FOXJ3: variants seen among roughly 807,000 people sequenced by gnomAD.
The protein encoded by FOXJ3 is forkhead box J3, also known as forkhead box protein J3.
A neutral mutation model predicts 76.1 loss-of-function variants in FOXJ3; 22 were observed. The ratio of observed to expected loss-of-function variants is 0.29; its 90% CI spans 0.21 to 0.41. The LOEUF (loss-of-function observed/expected upper bound fraction) is 0.41, where lower values mean the gene tolerates loss of function less well. FOXJ3 is among the 10% of genes least tolerant of loss of function. The pLI is 1.00. For synonymous variants in FOXJ3, 269 were observed against 261.2 expected, an observed-to-expected ratio of 1.03 and a Z score of -0.29; for missense variants, 613 against 762.1, an observed-to-expected ratio of 0.80 and a Z score of 2.30.
intron 4 of FOXJ3, among the ~76,000 whole-genome samples, chr1:42,255,654 C>A (rs1292640831): frequency 6.6e-6 from 1 of 152,132 alleles, no homozygotes; most frequent in Non-Finnish European, 1.5e-5. Flanking sequence ...AAAAGATACA[C>A]CATGATGTTG....
At chr1:42,291,991 G>C (rs1197151402) in intron 2 of FOXJ3, among the ~76,000 whole-genome samples, 2 of 152,178 alleles carry the variant, frequency 1.3e-5, no homozygotes, top group Admixed American at 1.3e-4. Context: ...TCCCGATGCC[G>C]GTGGGAGGAA....
At chr1:42,205,500 A>G (rs189436704) in intron 6 of FOXJ3, among the ~76,000 whole-genome samples, 5 of 152,262 alleles carry the variant, frequency 3.3e-5, no homozygotes, top group Admixed American at 6.5e-5. Context: ...AATTCTATCA[A>G]TGGGAACTGT....
intron 4 of FOXJ3, among the ~76,000 whole-genome samples, chr1:42,255,332 T>C (rs898615795): frequency 4.6e-5 from 7 of 152,192 alleles, no homozygotes; most frequent in Non-Finnish European, 1.0e-4. Flanking sequence ...TGGTGATACA[T>C]ATTGTTAAGC....
chr1:42,216,484 C>CCGCAG (rs1293077246), intron 5 of FOXJ3, among the ~76,000 whole-genome samples: 1 of 151,108 alleles, frequency 6.6e-6, no homozygotes, highest in African/African-American at 2.4e-5. Context: ...CGCCACTGCA[C>CCGCAG]TCCAGCCTGG....
At chr1:42,211,232 C>T (rs1240565729) in intron 5 of FOXJ3, among the ~76,000 whole-genome samples, 1 of 152,130 alleles carries the variant, frequency 6.6e-6, no homozygotes, top group African/African-American at 2.4e-5. Flanking sequence ...AGATACTCTT[C>T]GTGGAACACT....
At chr1:42,196,926 T>C (rs974721165) in intron 7 of FOXJ3, among the ~76,000 whole-genome samples, 12 of 152,334 alleles carry the variant, frequency 7.9e-5, no homozygotes, top group African/African-American at 2.4e-4. Flanking sequence ...AATCATTATA[T>C]CTTTGCTTAG....
intron 4 of FOXJ3, among the ~76,000 whole-genome samples, chr1:42,263,031 A>G (rs1249537638): frequency 6.6e-6 from 1 of 152,234 alleles, no homozygotes; most frequent in East Asian, 1.9e-4. Context: ...ACTACTGGTA[A>G]AAGATGAAAG....
chr1:42,250,478 C>T (rs1649935860), intron 4 of FOXJ3, among the ~76,000 whole-genome samples: 1 of 152,110 alleles, frequency 6.6e-6, no homozygotes, highest in Non-Finnish European at 1.5e-5. Context: ...AGCATCAAAA[C>T]AACTGCTTGA....
chr1:42,195,134 T>C (rs1325643389), intron 7 of FOXJ3, 70 bp from the exon 8 acceptor site: 8 of 1,158,070 alleles, frequency 6.9e-6, no homozygotes, highest in Middle Eastern at 2.0e-4. Flanking sequence ...ATATAAAATA[T>C]ATAACTGAAA....
intron 4 of FOXJ3, among the ~76,000 whole-genome samples, chr1:42,255,960 C>T (rs147391160): frequency 2.3e-4 from 35 of 152,166 alleles, no homozygotes; most frequent in African/African-American, 8.2e-4. Flanking sequence ...AGGTGGAGGC[C>T]GCAGTGAGCC....
At chr1:42,323,839 A>C (rs1281841342) in intron 1 of FOXJ3, 1 of 219,272 alleles carries the variant, frequency 4.6e-6, no homozygotes, top group East Asian at 1.8e-4. Flanking sequence ...TAAGAAAAAA[A>C]GATGACGTTA....
chr1:42,293,147 G>T (rs1314272494), intron 2 of FOXJ3, among the ~76,000 whole-genome samples: 1 of 152,090 alleles, frequency 6.6e-6, no homozygotes, highest in Non-Finnish European at 1.5e-5. Context: ...AATAAGTAAA[G>T]ATTTCTCAGC....
chr1:42,280,795 C>G (rs1472407734), intron 2 of FOXJ3, among the ~76,000 whole-genome samples: 4 of 152,168 alleles, frequency 2.6e-5, no homozygotes, highest in Non-Finnish European at 5.9e-5. Flanking sequence ...GTATTCAGAA[C>G]AGTGCCAGGC....
At chr1:42,283,623 C>T (rs754220008) in intron 2 of FOXJ3, among the ~76,000 whole-genome samples, 3 of 152,144 alleles carry the variant, frequency 2.0e-5, no homozygotes, top group Admixed American at 6.5e-5. Context: ...ACTTCATTCC[C>T]GGCACATGGC....
rs764453119 is a variant in FOXJ3, at chr1:42,205,798, G to A, written c.594C>T (p.Ala198=). ...CAGTGTTGATTGCCAGAGTTGGAGA[G>A]GCACTTCCCGAAATAATACACTCCA... ...LGMECIISGS[A]SPTLAINTVT... is the part of the protein sequence containing the mutation. Residue 198 remains alanine (A), a synonymous_variant, in exon 6 of 13, where the codon GCC becomes GCT. Transcript: ENST00000361346. 6.2e-7 allele frequency: 1 copy of A among 1,610,962 alleles called. No individual in the cohort carries two copies. The highest frequency in any genetic ancestry group is 8.5e-7 in the Non-Finnish European group (1 of 1,177,258).
intron 5 of FOXJ3, among the ~76,000 whole-genome samples, chr1:42,206,920 T>TC (rs1442132275): frequency 6.6e-6 from 1 of 152,056 alleles, no homozygotes; most frequent in African/African-American, 2.4e-5. Flanking sequence ...AACCTTCACC[T>TC]CCCATGCTCA....
chr1:42,231,824 T>A (rs1313780413), intron 4 of FOXJ3, among the ~76,000 whole-genome samples: 3 of 152,198 alleles, frequency 2.0e-5, no homozygotes, highest in South Asian at 4.1e-4. Flanking sequence ...TTTTATACTT[T>A]AAGTTTTAGG....
chr1:42,227,749 A>G (rs138797421), intron 5 of FOXJ3, 134 bp downstream of exon 5: 8 of 448,030 alleles, frequency 1.8e-5, no homozygotes, highest in Non-Finnish European at 3.2e-5. Flanking sequence ...GTGTTCTGAA[A>G]AATGTAAAAT....
At chr1:42,314,642 T>C (rs576823285) in intron 1 of FOXJ3, among the ~76,000 whole-genome samples, 21 of 152,158 alleles carry the variant, frequency 1.4e-4, no homozygotes, top group Non-Finnish European at 2.8e-4. Context: ...TCCTCTAGGG[T>C]GCACTGTCCC....
Sources: gnomAD v4.1 joint callset for allele counts (sites outside exome capture counted in the v4.1 genomes callset) on GRCh38, gnomAD v4.1.1 for gene constraint, MANE v1.5 for transcripts, NCBI Gene and HGNC (gene_info 2026-07-23, HGNC 2026-07-21) for gene names.